Variants in RANBP2 observed in about 807,000 individuals in gnomAD.
RANBP2 encodes E3 SUMO-protein ligase RanBP2.
A neutral mutation model predicts 303.6 loss-of-function variants in RANBP2; 57 were observed. That is an observed-to-expected ratio of 0.19 (90% CI 0.15 to 0.23). The LOEUF (loss-of-function observed/expected upper bound fraction) is 0.23, where lower values mean the gene tolerates loss of function less well. RANBP2 is among the 10% of genes least tolerant of loss of function. RANBP2 has a pLI of 1.00. For synonymous variants in RANBP2, 1,167 were observed against 1,301.5 expected (o/e 0.90, Z 2.23); for missense variants, 3,138 against 3,780.8 (o/e 0.83, Z 4.46).
the RANBP2 span, among the ~76,000 whole-genome samples, chr2:109,020,327 C>T: frequency 1.3e-5 from 2 of 152,132 alleles, no homozygotes; most frequent in South Asian, 4.1e-4. Flanking sequence ...CTTATGATAA[C>T]CCTTCTCCCC....
At chr2:108,816,865 A>T in the RANBP2 span, among the ~76,000 whole-genome samples, 9 of 152,130 alleles carry the variant, frequency 5.9e-5, no homozygotes, top group South Asian at 4.2e-4. Context: ...GCTAATTTTT[A>T]AAAAAAATTT....
chr2:109,338,445 T>TA, the RANBP2 span, among the ~76,000 whole-genome samples: 1 of 152,118 alleles, frequency 6.6e-6, no homozygotes, highest in Non-Finnish European at 1.5e-5. Flanking sequence ...TTTTTTTTTT[T>TA]ACATGCTCAC....
chr2:109,068,834 T>C, the RANBP2 span, among the ~76,000 whole-genome samples: 1 of 152,232 alleles, frequency 6.6e-6, no homozygotes, highest in African/African-American at 2.4e-5. Flanking sequence ...TATGATGATA[T>C]GTCAAAATGC....
the RANBP2 span, among the ~76,000 whole-genome samples, chr2:108,919,353 C>T: frequency 6.6e-6 from 1 of 152,018 alleles, no homozygotes; most frequent in Non-Finnish European, 1.5e-5. Context: ...CCTCTGACCG[C>T]TTTTTATTTA....
At chr2:109,041,685 CT>C in the RANBP2 span, among the ~76,000 whole-genome samples, 2,981 of 81,984 alleles carry the variant, frequency 0.036, 55 homozygotes, top group African/African-American at 0.11. Flanking sequence ...CCATGCCCGG[CT>C]TTTTTTTTTT....
chr2:109,178,086 TA>T, the RANBP2 span, among the ~76,000 whole-genome samples: 3 of 152,178 alleles, frequency 2.0e-5, no homozygotes, highest in African/African-American at 7.2e-5. Context: ...ACCCTAAAAC[TA>T]AAAATATTTT....
chr2:109,391,015 C>T, the RANBP2 span, among the ~76,000 whole-genome samples: 23 of 152,176 alleles, frequency 1.5e-4, no homozygotes, highest in African/African-American at 4.6e-4. Context: ...ACAAGGTGGA[C>T]GGGTGCCACC....
chr2:108,828,027 A>G, the RANBP2 span, among the ~76,000 whole-genome samples: 1,920 of 152,190 alleles, frequency 0.013, 49 homozygotes, highest in African/African-American at 0.045. Context: ...AAACTTGTAA[A>G]TAGATTTCAC....
chr2:109,502,437 G>A, the RANBP2 span: 1 of 152,130 alleles, frequency 6.6e-6, no homozygotes, highest in Non-Finnish European at 1.5e-5. Context: ...TAATGACTTG[G>A]TTGAGCTTGA....
chr2:109,438,141 A>T, the RANBP2 span, among the ~76,000 whole-genome samples: 12 of 152,356 alleles, frequency 7.9e-5, no homozygotes, highest in South Asian at 2.3e-3. Flanking sequence ...GTGTGGAAAG[A>T]GGAGACAACA....
At chr2:109,436,779 A>G in the RANBP2 span, 1 of 1,441,878 alleles carries the variant, frequency 6.9e-7, no homozygotes, top group Non-Finnish European at 9.3e-7. Context: ...TCCCCAGATC[A>G]GTTGGCCTTC....
At chr2:109,569,810 A>T in the RANBP2 span, among the ~76,000 whole-genome samples, 1 of 152,056 alleles carries the variant, frequency 6.6e-6, no homozygotes, top group African/African-American at 2.4e-5. Flanking sequence ...GGAAAGTAAC[A>T]GATATTGCCC....
chr2:109,116,438 C>T, the RANBP2 span, among the ~76,000 whole-genome samples: 2 of 152,232 alleles, frequency 1.3e-5, no homozygotes, highest in Non-Finnish European at 2.9e-5. Flanking sequence ...CCTGAGGCTT[C>T]TGCATTCTTC....
chr2:109,617,555 C>G, the RANBP2 span: 5 of 166,930 alleles, frequency 3.0e-5, no homozygotes, highest in Non-Finnish European at 7.3e-5. Flanking sequence ...TCTTTTGGGT[C>G]GCGTAGTTGC....
At chr2:109,495,883 T>C in the RANBP2 span, among the ~76,000 whole-genome samples, 1 of 151,848 alleles carries the variant, frequency 6.6e-6, no homozygotes, top group Non-Finnish European at 1.5e-5. Flanking sequence ...TCACCTAGAT[T>C]AACACCAGAA....
the RANBP2 span, among the ~76,000 whole-genome samples, chr2:109,713,700 A>G: frequency 2.0e-5 from 3 of 152,166 alleles, no homozygotes; most frequent in Non-Finnish European, 4.4e-5. Flanking sequence ...ATCAGGATAA[A>G]AGCACTCAAC....
the RANBP2 span, among the ~76,000 whole-genome samples, chr2:109,382,339 G>C: frequency 6.6e-6 from 1 of 152,124 alleles, no homozygotes; most frequent in African/African-American, 2.4e-5. Flanking sequence ...CAGCCCAGGG[G>C]AGAGTCTGCT....
chr2:109,698,101 C>T, the RANBP2 span, among the ~76,000 whole-genome samples: 1 of 151,986 alleles, frequency 6.6e-6, no homozygotes, highest in South Asian at 2.1e-4. Context: ...CTCAGGTGAT[C>T]CACCTGCCTC....
At chr2:109,172,153 C>G in the RANBP2 span, among the ~76,000 whole-genome samples, 1 of 152,180 alleles carries the variant, frequency 6.6e-6, no homozygotes, top group African/African-American at 2.4e-5. Context: ...CTCCCGGAGC[C>G]ATCTGGAATA....
Sources: gnomAD v4.1 joint callset for allele counts (sites outside exome capture counted in the v4.1 genomes callset) on GRCh38, gnomAD v4.1.1 for gene constraint, MANE v1.5 for transcripts, NCBI Gene and HGNC (gene_info 2026-07-23, HGNC 2026-07-21) for gene names.